CNTNAP2: variants seen among roughly 807,000 people sequenced by gnomAD.
CNTNAP2 encodes the protein contactin associated protein 2, also known as contactin-associated protein-like 2.
CNTNAP2 carries 98 observed loss-of-function variants against 155.2 expected under a neutral mutation model. The observed-to-expected ratio is 0.63, with a 90% CI of 0.54 to 0.75. CNTNAP2 has a LOEUF of 0.75. CNTNAP2 is among the 30% of genes least tolerant of loss of function. The pLI, the probability that CNTNAP2 is intolerant of heterozygous loss-of-function variation, is 0.00. For synonymous variants in CNTNAP2, 651 were observed against 631.2 expected (o/e 1.03, Z -0.47); for missense variants, 1,727 against 1,688.1 (o/e 1.02, Z -0.40).
intron 21 of CNTNAP2, among the ~76,000 whole-genome samples, chr7:148,329,800 A>T (rs906471880): frequency 1.3e-5 from 2 of 152,182 alleles, no homozygotes; most frequent in African/African-American, 4.8e-5. Flanking sequence ...ATGCCTGACC[A>T]ACTCTGATTC....
At chr7:147,109,190 T>G (rs1179357012) in intron 5 of CNTNAP2, among the ~76,000 whole-genome samples, 1 of 152,098 alleles carries the variant, frequency 6.6e-6, no homozygotes, top group African/African-American at 2.4e-5. Context: ...TTCTGCATAG[T>G]TTGGGTGAGA....
At chr7:147,500,920 T>A (rs1006882343) in intron 11 of CNTNAP2, among the ~76,000 whole-genome samples, 1 of 152,098 alleles carries the variant, frequency 6.6e-6, no homozygotes, top group Non-Finnish European at 1.5e-5. Flanking sequence ...GAATCCAGAC[T>A]AGGAGACTAC....
chr7:147,426,959 A>C (rs1797386499), intron 10 of CNTNAP2, among the ~76,000 whole-genome samples: 1 of 152,170 alleles, frequency 6.6e-6, no homozygotes, highest in Admixed American at 6.5e-5. Flanking sequence ...TTGTGTTGTT[A>C]TAACAAAATA....
chr7:147,496,102 G>A (rs1010940384), intron 11 of CNTNAP2, among the ~76,000 whole-genome samples: 2 of 152,036 alleles, frequency 1.3e-5, no homozygotes, highest in Admixed American at 6.6e-5. Context: ...ACAAGCTCAG[G>A]GCTCCCACTG....
Position 146,158,656 on chromosome 7 carries a change from A to G in CNTNAP2, c.97+41683A>G, listed in dbSNP as rs138659026. On this transcript the variant is annotated intron_variant, in intron 1 of 23. Coordinates refer to ENST00000361727, the MANE Select transcript of CNTNAP2 (RefSeq NM_014141.6). ...GAAAGGGTACCAGTGATTGAAGATC[A>G]AATGAATGAAATGAAGCAAGAAGAG... Among the ~76,000 whole-genome samples, 39 of 152,314 alleles carry G rather than the reference A, an allele frequency of 2.6e-4. No individual in the cohort carries two copies. The East Asian group carries it at 7.1e-3, about 28-fold the overall frequency.
At chr7:147,668,723 G>A (rs1436749955) in intron 13 of CNTNAP2, among the ~76,000 whole-genome samples, 2 of 152,160 alleles carry the variant, frequency 1.3e-5, no homozygotes, top group South Asian at 2.1e-4. Flanking sequence ...TGTGATAAAA[G>A]AGTAAAAAAT....
chr7:147,583,528 AT>A (rs1459823670), intron 12 of CNTNAP2, among the ~76,000 whole-genome samples: 70 of 147,040 alleles, frequency 4.8e-4, no homozygotes, highest in African/African-American at 1.6e-3. Context: ...ATATATATAT[AT>A]ATAATGTCAA....
chr7:146,969,840 T>C (rs1171433929), intron 3 of CNTNAP2, among the ~76,000 whole-genome samples: 1 of 152,150 alleles, frequency 6.6e-6, no homozygotes, highest in Non-Finnish European at 1.5e-5. Flanking sequence ...CAAAACAGCA[T>C]GGTACTGGTA....
chr7:148,158,888 A>T (rs370472768), intron 17 of CNTNAP2, among the ~76,000 whole-genome samples: 2 of 152,252 alleles, frequency 1.3e-5, no homozygotes, highest in African/African-American at 4.8e-5. Context: ...ACTAAACTTC[A>T]TGATAATAAA....
chr7:147,715,082 T>C (rs1303960449), intron 13 of CNTNAP2, among the ~76,000 whole-genome samples: 2 of 152,130 alleles, frequency 1.3e-5, no homozygotes, highest in African/African-American at 4.8e-5. Context: ...GTTCACACAT[T>C]AAAGAAGATT....
chr7:146,886,911 A>G (rs1585139473), intron 3 of CNTNAP2, among the ~76,000 whole-genome samples: 1 of 151,622 alleles, frequency 6.6e-6, no homozygotes, highest in Admixed American at 6.6e-5. Flanking sequence ...CTTTTGCTAA[A>G]TTCCTGTAAT....
At chr7:146,321,057 A>C (rs953167622) in intron 1 of CNTNAP2, among the ~76,000 whole-genome samples, 9 of 150,392 alleles carry the variant, frequency 6.0e-5, no homozygotes, top group African/African-American at 1.8e-4. Flanking sequence ...AATAATTTTC[A>C]AAAAAATATT....
chr7:146,296,575 A>G (rs866381722), intron 1 of CNTNAP2, among the ~76,000 whole-genome samples: 6 of 152,244 alleles, frequency 3.9e-5, no homozygotes, highest in African/African-American at 1.4e-4. Context: ...CTAATTTTCT[A>G]TCATGATGTT....
chr7:147,064,434 A>C (rs942900721), intron 4 of CNTNAP2, among the ~76,000 whole-genome samples: 16 of 152,176 alleles, frequency 1.1e-4, no homozygotes, highest in African/African-American at 3.9e-4. Context: ...ATACTTGATG[A>C]AAGGGTAGCA....
At chr7:146,632,265 T>G (rs1799522859) in intron 1 of CNTNAP2, among the ~76,000 whole-genome samples, 1 of 152,174 alleles carries the variant, frequency 6.6e-6, no homozygotes, top group Non-Finnish European at 1.5e-5. Context: ...ATTCCAGGGA[T>G]TTTAGGATTT....
intron 4 of CNTNAP2, among the ~76,000 whole-genome samples, chr7:147,061,717 T>C (rs904416554): frequency 1.3e-5 from 2 of 152,178 alleles, no homozygotes; most frequent in African/African-American, 2.4e-5. Context: ...ATGGTCCACC[T>C]ATAAATAATT....
chr7:147,562,405 G>A (rs1484843580), intron 12 of CNTNAP2, 148 bp downstream of exon 12: 31 of 1,038,730 alleles, frequency 3.0e-5, no homozygotes, highest in Non-Finnish European at 3.9e-5. Flanking sequence ...ATAAGATGAT[G>A]AAATGTATTA....
intron 1 of CNTNAP2, among the ~76,000 whole-genome samples, chr7:146,555,578 AAAG>A (rs1410160988): frequency 4.6e-5 from 7 of 152,130 alleles, no homozygotes; most frequent in African/African-American, 1.7e-4. Flanking sequence ...AATTCACAAA[AAAG>A]AAGCCATGAG....
At chr7:146,200,080 T>A (rs1321699142) in intron 1 of CNTNAP2, among the ~76,000 whole-genome samples, 1 of 152,198 alleles carries the variant, frequency 6.6e-6, no homozygotes, top group Non-Finnish European at 1.5e-5. Flanking sequence ...AATATTCACA[T>A]GATAACTGTT....
Sources: allele counts gnomAD v4.1 joint callset (sites outside exome capture counted in the v4.1 genomes callset), GRCh38; gene constraint gnomAD v4.1.1; transcripts MANE v1.5; gene names NCBI Gene and HGNC (gene_info 2026-07-23, HGNC 2026-07-21).